The following ADAM9 variants were observed in gnomAD, a reference collection of about 807,000 sequenced individuals.
The protein encoded by ADAM9 is ADAM metallopeptidase domain 9, also known as disintegrin and metalloproteinase domain-containing protein 9.
A neutral mutation model predicts 108.1 loss-of-function variants in ADAM9; 54 were observed. The ratio of observed to expected loss-of-function variants is 0.50; its 90% CI spans 0.40 to 0.63. ADAM9 has a LOEUF of 0.63. Among genes scored for constraint, ADAM9 ranks in the 20% least tolerant of loss-of-function variants. ADAM9 has a pLI of 0.00. For synonymous variants in ADAM9, 316 were observed against 336.0 expected, an observed-to-expected ratio of 0.94 and a Z score of 0.65; for missense variants, 830 against 997.7, an observed-to-expected ratio of 0.83 and a Z score of 2.26.
intron 12 of ADAM9, among the ~76,000 whole-genome samples, chr8:39,053,755 T>TA (rs1338839524): frequency 6.6e-6 from 1 of 151,738 alleles, no homozygotes; most frequent in Non-Finnish European, 1.5e-5. Context: ...CCAAGCAAGG[T>TA]AAAAAAGAGT....
rs185226954 is a variant in ADAM9, at chr8:39,029,678, G to A, written c.1130+2868G>A. 1.4e-4 allele frequency among the ~76,000 whole-genome samples: 21 copies of A among 152,324 alleles called. No homozygotes were observed. In the East Asian group the frequency reaches 4.0e-3, roughly 29 times the overall value. On this transcript the variant is annotated intron_variant, in intron 11 of 21. Coordinates refer to ENST00000487273, the MANE Select transcript of ADAM9 (RefSeq NM_003816.3). ...TGATCCTTGATTCTGTTAACGTGGT[G>A]TTAATACATTTTTGTGTGTTGAACC...
intron 11 of ADAM9, among the ~76,000 whole-genome samples, chr8:39,035,265 A>T (rs1837233156): frequency 6.6e-6 from 1 of 152,046 alleles, no homozygotes; most frequent in Non-Finnish European, 1.5e-5. Context: ...TTCATTTGTC[A>T]AATTTATGTC....
At chr8:39,062,617 T>C (rs1049103009) in intron 14 of ADAM9, among the ~76,000 whole-genome samples, 21 of 152,204 alleles carry the variant, frequency 1.4e-4, no homozygotes, top group African/African-American at 4.8e-4. Context: ...CTCTCCATTA[T>C]GCCCACCTTG....
chr8:39,066,919 A>G lies in ADAM9; in HGVS notation c.1592-4379A>G, dbSNP rs948108479. On this transcript the variant is annotated intron_variant, in intron 14 of 21. Transcript: ENST00000487273. ...TTCAGTCTTTAATCCATCTTGAATT[A>G]ATTTTTGTATAAGGTGTAAGGAAGG... is the stretch of plus-strand genomic sequence containing the variant. 3.5e-4 allele frequency among the ~76,000 whole-genome samples: 53 copies of G among 152,244 alleles called. 1 individual carries two copies. Among genetic ancestry groups the G allele is most frequent in the African/African-American group, 1.2e-3 (49 of 41,524 alleles).
chr8:39,034,143 T>G (rs1052158883), intron 11 of ADAM9, among the ~76,000 whole-genome samples: 4 of 152,182 alleles, frequency 2.6e-5, no homozygotes, highest in African/African-American at 9.7e-5. Context: ...TCCTCCCACC[T>G]TAGCCTCCTG....
At chr8:39,009,930 G>A (rs1179240575) in intron 2 of ADAM9, among the ~76,000 whole-genome samples, 1,281 of 38,924 alleles carry the variant, frequency 0.033, 25 homozygotes, top group Non-Finnish European at 0.041. Flanking sequence ...GAGAGAGAGA[G>A]AGACAAAAAC....
At chr8:39,068,402 C>T (rs939161575) in intron 14 of ADAM9, among the ~76,000 whole-genome samples, 7 of 152,098 alleles carry the variant, frequency 4.6e-5, no homozygotes, top group South Asian at 2.1e-4. Flanking sequence ...CAGTCGGGCA[C>T]GGTGGCTCAC....
In ADAM9 at chr8:39,041,928, T is replaced by C. The variant is rs751280799; in HGVS notation, c.1131-18T>C. On this transcript the variant is annotated intron_variant, in intron 11 of 21. Transcript: ENST00000487273. ...GTAATCACTGTGACATAGATCTTTT[T>C]CTTAATGTTTATTATAGGGGTTCCA... 13 of 1,612,388 alleles carry C rather than the reference T, an allele frequency of 8.1e-6. No homozygotes were observed. Among genetic ancestry groups the C allele is most frequent in the Non-Finnish European group, 1.1e-5 (13 of 1,178,698 alleles).
rs1362601135 is a variant in ADAM9, at chr8:38,996,989, C to G, written c.-75C>G. On this transcript the variant is annotated 5_prime_UTR_variant, in exon 1 of 22. Transcript: ENST00000487273. ...TTCCCGGCCAGACTTGGGGCCCCGG[C>G]AGGGTTGGAAAATGATGGAAGAGGC... 7 of 1,549,816 alleles carry G rather than the reference C, an allele frequency of 4.5e-6. No homozygotes were observed. Among genetic ancestry groups the G allele is most frequent in the Admixed American group, 3.8e-5 (2 of 53,058 alleles).
At chr8:39,021,174 A>G (rs966239874) in intron 7 of ADAM9, among the ~76,000 whole-genome samples, 5 of 152,244 alleles carry the variant, frequency 3.3e-5, no homozygotes, top group African/African-American at 4.8e-5. Context: ...TGTCACTACA[A>G]TGTAACCTTT....
At chr8:39,072,407 C>A (rs556043671) in intron 15 of ADAM9, among the ~76,000 whole-genome samples, 1 of 152,192 alleles carries the variant, frequency 6.6e-6, no homozygotes, top group East Asian at 1.9e-4. Flanking sequence ...ATCTGACAGT[C>A]GTTTTTAGGT....
chr8:39,017,769 TTTTTGTA>T (rs1836588681), intron 6 of ADAM9, among the ~76,000 whole-genome samples: 1 of 152,186 alleles, frequency 6.6e-6, no homozygotes, highest in Non-Finnish European at 1.5e-5. Flanking sequence ...TTAAAACAAC[TTTTTGTA>T]GAGATGAGGT....
At chr8:39,034,264 TA>T (rs769265839) in intron 11 of ADAM9, among the ~76,000 whole-genome samples, 10 of 152,330 alleles carry the variant, frequency 6.6e-5, no homozygotes, top group Non-Finnish European at 1.3e-4. Context: ...TGCAGTCTTT[TA>T]TTTTTTTTAA....
intron 11 of ADAM9, among the ~76,000 whole-genome samples, chr8:39,040,822 A>G (rs1837436078): frequency 6.6e-6 from 1 of 152,232 alleles, no homozygotes; most frequent in African/African-American, 2.4e-5. Flanking sequence ...ATTTTTGACA[A>G]GGGCACCAGG....
chr8:39,019,721 T>C (rs1368137286), intron 7 of ADAM9, among the ~76,000 whole-genome samples: 1 of 152,224 alleles, frequency 6.6e-6, no homozygotes, highest in African/African-American at 2.4e-5. Flanking sequence ...GTTCCTTTCT[T>C]GTAAGCTGTA....
chr8:39,045,262 A>C (rs138392596), intron 12 of ADAM9, among the ~76,000 whole-genome samples: 1 of 142,248 alleles, frequency 7.0e-6, no homozygotes, highest in African/African-American at 2.6e-5. Context: ...ATGTGTATAT[A>C]TGTGTATACA....
chr8:39,011,155 A>G (rs867763094), intron 2 of ADAM9, among the ~76,000 whole-genome samples: 1 of 151,862 alleles, frequency 6.6e-6, no homozygotes, highest in South Asian at 2.1e-4. Context: ...CCTTTGTATG[A>G]TGCATCCTCA....
intron 14 of ADAM9, among the ~76,000 whole-genome samples, chr8:39,064,508 G>A (rs1838395595): frequency 6.6e-6 from 1 of 152,122 alleles, no homozygotes; most frequent in African/African-American, 2.4e-5. Flanking sequence ...GGATGATTTG[G>A]CAAGATGGAG....
intron 14 of ADAM9, among the ~76,000 whole-genome samples, chr8:39,060,511 C>T (rs1193872452): frequency 6.6e-6 from 1 of 152,184 alleles, no homozygotes; most frequent in African/African-American, 2.4e-5. Flanking sequence ...TTGTGCCATT[C>T]TGTTGGTTGT....
Sources: allele counts gnomAD v4.1 joint callset (sites outside exome capture counted in the v4.1 genomes callset), GRCh38; gene constraint gnomAD v4.1.1; transcripts MANE v1.5; gene names NCBI Gene and HGNC (gene_info 2026-07-23, HGNC 2026-07-21).